Variants in RYK observed in about 807,000 individuals in gnomAD.
The protein encoded by RYK is receptor like tyrosine kinase, also known as inactive tyrosine-protein kinase RYK.
RYK carries 21 observed loss-of-function variants against 70.2 expected under a neutral mutation model. The ratio of observed to expected loss-of-function variants is 0.30; its 90% confidence interval spans 0.21 to 0.43. The LOEUF is 0.43. Among genes scored for constraint, RYK ranks in the 20% least tolerant of loss-of-function variants. The pLI is 1.00. For missense variants in RYK, 604 were observed against 753.3 expected, an observed-to-expected ratio of 0.80 and a Z score of 2.32; for synonymous variants, 267 against 278.0, an observed-to-expected ratio of 0.96 and a Z score of 0.39.
chr3:134,198,654 A>G (rs2013890507), intron 6 of RYK, among the ~76,000 whole-genome samples: 1 of 152,230 alleles, frequency 6.6e-6, no homozygotes, highest in South Asian at 2.1e-4. Context: ...ATCAATGAAC[A>G]GAGAAAACCA....
Position 134,250,569 on chromosome 3 carries a change from A to AGCGGCGGCGGCG in RYK, c.74_85dup (p.Pro25_Pro28dup), listed in dbSNP as rs1284777873. 1.0e-4 allele frequency: 108 copies of AGCGGCGGCGGCG among 1,078,566 alleles called. 1 individual carries two copies. The African/African-American group carries it at 1.8e-3, about 18-fold the overall frequency. 66.8% of individuals were successfully genotyped at this position (1,078,566 alleles called of 1,614,324 possible). ...CGGCAACAGCGCAAGCAGAAGCAGC[A>AGCGGCGGCGGCG]GCGGCGGCGGCGGCGGGGCCCTCAG... is the stretch of plus-strand genomic sequence containing the variant. On this transcript the variant is annotated inframe_insertion, in exon 1 of 15. Transcript: ENST00000623711.
intron 9 of RYK, among the ~76,000 whole-genome samples, chr3:134,188,169 T>TA (rs1560008698): frequency 0.039 from 2,183 of 56,268 alleles, 11 homozygotes; most frequent in Non-Finnish European, 0.051. Context: ...ATATATATAT[T>TA]TTTTTTTTTT....
intron 2 of RYK, among the ~76,000 whole-genome samples, chr3:134,212,971 G>C (rs2014446245): frequency 6.6e-6 from 1 of 152,168 alleles, no homozygotes; most frequent in African/African-American, 2.4e-5. Context: ...TGTTTGATAA[G>C]TGCCACATTC....
chr3:134,194,181 C>A lies in RYK; in HGVS notation c.889+901G>T, dbSNP rs141441186. Among the ~76,000 whole-genome samples the A allele has an allele frequency of 4.6e-3, 697 of 152,242 alleles. 2 individuals carry two copies. Among genetic ancestry groups the A allele is most frequent in the African/African-American group, 0.016 (668 of 41,542 alleles). On this transcript the variant is annotated intron_variant, in intron 7 of 14. Coordinates refer to ENST00000623711, the MANE Select transcript of RYK (RefSeq NM_002958.4). ...CTGTAAAGAAAAATTTTCTCTCATC[C>A]ACCAGCACCATCTGGTTAACCTGAA...
At chr3:134,243,841 C>T (rs2015385655) in intron 1 of RYK, among the ~76,000 whole-genome samples, 2 of 152,154 alleles carry the variant, frequency 1.3e-5, no homozygotes, top group African/African-American at 4.8e-5. Flanking sequence ...TGTCAACCAG[C>T]AATATAACTC....
At chr3:134,207,953 C>G (rs1247729691) in intron 4 of RYK, among the ~76,000 whole-genome samples, 2 of 152,122 alleles carry the variant, frequency 1.3e-5, no homozygotes, top group Admixed American at 1.3e-4. Context: ...TTTTCTGTTG[C>G]AGACAGTTTT....
At chr3:134,241,695 A>C (rs1032385431) in intron 1 of RYK, among the ~76,000 whole-genome samples, 4 of 152,230 alleles carry the variant, frequency 2.6e-5, no homozygotes, top group Non-Finnish European at 4.4e-5. Context: ...GTTAAAGACT[A>C]AGTCAACTGT....
intron 6 of RYK, among the ~76,000 whole-genome samples, chr3:134,201,867 G>A (rs538999472): frequency 1.3e-5 from 2 of 152,286 alleles, no homozygotes; most frequent in African/African-American, 4.8e-5. Context: ...GCAGCAACTG[G>A]AAATCACAGA....
intron 1 of RYK, among the ~76,000 whole-genome samples, chr3:134,241,102 G>GGC (rs374931876): frequency 9.4e-5 from 14 of 148,878 alleles, no homozygotes; most frequent in African/African-American, 3.2e-4. Context: ...AGGGTTGGTG[G>GGC]GGGAGGGAAA....
intron 10 of RYK, among the ~76,000 whole-genome samples, chr3:134,182,644 G>T (rs1030140437): frequency 2.0e-5 from 3 of 151,938 alleles, no homozygotes; most frequent in Non-Finnish European, 4.4e-5. Flanking sequence ...TGACTTTGAG[G>T]TCCTATACGT....
chr3:134,184,153 T>C (rs2013388399), intron 9 of RYK, among the ~76,000 whole-genome samples: 1 of 152,204 alleles, frequency 6.6e-6, no homozygotes, highest in Non-Finnish European at 1.5e-5. Context: ...GAACTAATAA[T>C]ACAGTAGTAA....
intron 13 of RYK, among the ~76,000 whole-genome samples, chr3:134,162,104 G>A (rs949248069): frequency 6.6e-6 from 1 of 152,098 alleles, no homozygotes; most frequent in African/African-American, 2.4e-5. Context: ...CCTCATGTGT[G>A]TGTCTCTTTT....
chr3:134,225,069 T>C (rs1425960033), intron 1 of RYK, among the ~76,000 whole-genome samples: 3 of 152,226 alleles, frequency 2.0e-5, no homozygotes, highest in Non-Finnish European at 4.4e-5. Flanking sequence ...GTAGCACTGC[T>C]TTTATTTATC....
chr3:134,222,245 T>G (rs2014762580), intron 2 of RYK, among the ~76,000 whole-genome samples, 173 bp downstream of exon 2: 1 of 152,180 alleles, frequency 6.6e-6, no homozygotes, highest in Non-Finnish European at 1.5e-5. Context: ...ATTCAAGAAA[T>G]TTTAGAGGAA....
chr3:134,222,670 T>C (rs1241395857), intron 1 of RYK, 131 bp from the exon 2 acceptor site: 1 of 727,662 alleles, frequency 1.4e-6, no homozygotes, highest in African/African-American at 1.8e-5. Context: ...GGCCCTAACA[T>C]GGGCTGCCTT....
At chr3:134,189,940 T>C (rs1192880251) in intron 8 of RYK, among the ~76,000 whole-genome samples, 3 of 152,054 alleles carry the variant, frequency 2.0e-5, no homozygotes, top group East Asian at 1.9e-4. Context: ...CACTAGAAAA[T>C]TGTTTACTTT....
At chr3:134,165,382 C>T (rs2012624788) in intron 13 of RYK, among the ~76,000 whole-genome samples, 1 of 152,166 alleles carries the variant, frequency 6.6e-6, no homozygotes, top group Admixed American at 6.5e-5. Context: ...ATCTTAAGGA[C>T]AGTGCTGAGT....
intron 1 of RYK, among the ~76,000 whole-genome samples, chr3:134,231,193 C>CAA (rs76361855): frequency 2.5e-4 from 27 of 107,414 alleles, no homozygotes; most frequent in South Asian, 8.3e-4. Flanking sequence ...CAGACAAGAC[C>CAA]AAAAAAAAAA....
intron 1 of RYK, among the ~76,000 whole-genome samples, chr3:134,238,925 G>A (rs984363859): frequency 7.2e-5 from 11 of 152,144 alleles, no homozygotes; most frequent in Non-Finnish European, 1.0e-4. Context: ...GGCTTTTGCC[G>A]GAATCTCTCT....
Sources: gnomAD v4.1 joint callset for allele counts (sites outside exome capture counted in the v4.1 genomes callset) on GRCh38, gnomAD v4.1.1 for gene constraint, MANE v1.5 for transcripts, NCBI Gene and HGNC (gene_info 2026-07-23, HGNC 2026-07-21) for gene names.